Variants in VDAC1 observed in about 807,000 individuals in gnomAD.
VDAC1 encodes the protein non-selective voltage-gated ion channel VDAC1.
A neutral mutation model predicts 34.7 loss-of-function variants in VDAC1; 10 were observed. The observed-to-expected ratio is 0.29, with a 90% CI of 0.18 to 0.49. VDAC1 has a LOEUF of 0.49. VDAC1 is among the 20% of genes least tolerant of loss of function. The pLI is 0.99. For synonymous variants in VDAC1, 130 were observed against 136.0 expected, an observed-to-expected ratio of 0.96 and a Z score of 0.30; for missense variants, 230 against 347.9, an observed-to-expected ratio of 0.66 and a Z score of 2.69.
At chr5:134,064,744 G>T in the VDAC1 span, among the ~76,000 whole-genome samples, 9 of 150,506 alleles carry the variant, frequency 6.0e-5, no homozygotes, top group South Asian at 8.4e-4. Context: ...TTGAGCTAAG[G>T]TCTGGCTCTA....
chr5:134,075,277 T>C, the VDAC1 span, among the ~76,000 whole-genome samples: 1 of 152,238 alleles, frequency 6.6e-6, no homozygotes, highest in Non-Finnish European at 1.5e-5. Flanking sequence ...CACACTGCTA[T>C]CTGCATGCTA....
At chr5:134,003,432 C>T (rs567771223) in intron 1 of VDAC1, among the ~76,000 whole-genome samples, 86 of 152,354 alleles carry the variant, frequency 5.6e-4, no homozygotes, top group South Asian at 3.7e-3. Context: ...GGGTCTGCTC[C>T]TGCATTCAAG....
At chr5:134,108,299 G>A in the VDAC1 span, among the ~76,000 whole-genome samples, 1 of 152,258 alleles carries the variant, frequency 6.6e-6, no homozygotes, top group East Asian at 1.9e-4. Flanking sequence ...CCATCCCCTG[G>A]GCAGAAAGCA....
chr5:134,004,717 C>G (rs1252474460), intron 1 of VDAC1, 178 bp downstream of exon 1: 1 of 151,318 alleles, frequency 6.6e-6, no homozygotes, highest in Non-Finnish European at 1.5e-5. Flanking sequence ...GGGAGCCGAG[C>G]CAGGGAGCGG....
intron 1 of VDAC1, among the ~76,000 whole-genome samples, chr5:133,994,600 C>T (rs2126988299): frequency 6.6e-6 from 1 of 152,288 alleles, no homozygotes; most frequent in African/African-American, 2.4e-5. Context: ...AGGTGCATCC[C>T]CCCGGGATAG....
chr5:134,015,012 C>T, the VDAC1 span, among the ~76,000 whole-genome samples: 7 of 152,082 alleles, frequency 4.6e-5, no homozygotes, highest in South Asian at 4.2e-4. Flanking sequence ...ATATATATGG[C>T]GGAATACTAC....
chr5:133,982,295 C>T (rs976091486), intron 5 of VDAC1, among the ~76,000 whole-genome samples: 3 of 152,132 alleles, frequency 2.0e-5, no homozygotes, highest in Admixed American at 6.5e-5. Flanking sequence ...AGGTGGATCA[C>T]AAGGTCAGAA....
the VDAC1 span, among the ~76,000 whole-genome samples, chr5:134,073,528 A>C: frequency 6.6e-6 from 1 of 152,226 alleles, no homozygotes; most frequent in Non-Finnish European, 1.5e-5. Flanking sequence ...CCTCTGATGC[A>C]GACCTCATCG....
chr5:134,101,039 C>G, the VDAC1 span, among the ~76,000 whole-genome samples: 3 of 152,272 alleles, frequency 2.0e-5, no homozygotes, highest in African/African-American at 7.2e-5. Flanking sequence ...TTCTGCAAGA[C>G]CACCAGAGCT....
chr5:134,102,324 C>T, the VDAC1 span, among the ~76,000 whole-genome samples: 27 of 150,438 alleles, frequency 1.8e-4, no homozygotes, highest in Middle Eastern at 0.01. Flanking sequence ...AGCCCATCCC[C>T]CCACCCTCTA....
At chr5:134,038,225 T>C in the VDAC1 span, among the ~76,000 whole-genome samples, 58 of 152,198 alleles carry the variant, frequency 3.8e-4, no homozygotes, top group African/African-American at 1.3e-3. Flanking sequence ...ATGAGGGTGA[T>C]TAGGAAAGGC....
intron 1 of VDAC1, among the ~76,000 whole-genome samples, chr5:133,997,587 G>T (rs1008679258): frequency 6.6e-6 from 1 of 151,014 alleles, no homozygotes; most frequent in African/African-American, 2.4e-5. Context: ...GATGGTGCAC[G>T]CCTGTAATGC....
At chr5:134,047,032 G>A in the VDAC1 span, among the ~76,000 whole-genome samples, 1 of 152,162 alleles carries the variant, frequency 6.6e-6, no homozygotes, top group Non-Finnish European at 1.5e-5. Context: ...GAGAAGTGAG[G>A]GCAGGGAGAG....
At chr5:134,016,153 T>C in the VDAC1 span, among the ~76,000 whole-genome samples, 1 of 152,164 alleles carries the variant, frequency 6.6e-6, no homozygotes, top group South Asian at 2.1e-4. Context: ...AATCAAACGA[T>C]CAGGAAAGAG....
chr5:134,055,266 T>C, the VDAC1 span, among the ~76,000 whole-genome samples: 1 of 152,136 alleles, frequency 6.6e-6, no homozygotes, highest in African/African-American at 2.4e-5. Context: ...GACCCCGCTG[T>C]GGTGGCTATG....
chr5:134,002,829 G>A (rs1289404313), intron 1 of VDAC1, among the ~76,000 whole-genome samples: 1 of 152,126 alleles, frequency 6.6e-6, no homozygotes, highest in East Asian at 1.9e-4. Context: ...GCCAGGCGTG[G>A]TGGTGTGTGC....
the VDAC1 span, among the ~76,000 whole-genome samples, chr5:134,088,104 G>A: frequency 2.6e-5 from 4 of 152,084 alleles, no homozygotes; most frequent in African/African-American, 7.2e-5. Flanking sequence ...GCAGTGAGCT[G>A]AGATCACGCC....
At chr5:134,067,612 T>TAA in the VDAC1 span, among the ~76,000 whole-genome samples, 1 of 93,358 alleles carries the variant, frequency 1.1e-5, no homozygotes, top group Non-Finnish European at 2.2e-5. Context: ...CTCTCTTTTT[T>TAA]AAAAAAAGAA....
chr5:134,042,597 G>A, the VDAC1 span, among the ~76,000 whole-genome samples: 32 of 152,100 alleles, frequency 2.1e-4, no homozygotes, highest in African/African-American at 7.5e-4. Flanking sequence ...AGGTTCAAGC[G>A]ATTCTCCTGC....
Sources: gnomAD v4.1 joint callset for allele counts (sites outside exome capture counted in the v4.1 genomes callset) on GRCh38, gnomAD v4.1.1 for gene constraint, MANE v1.5 for transcripts, NCBI Gene and HGNC (gene_info 2026-07-23, HGNC 2026-07-21) for gene names.